Variants in KLK5 observed in about 807,000 individuals in gnomAD.
KLK5 encodes the protein kallikrein-5.
Under a neutral mutation model 24.0 loss-of-function variants are expected in KLK5, and 18 were observed. The ratio of observed to expected loss-of-function variants is 0.75; its 90% CI spans 0.52 to 1.11. KLK5 has a LOEUF of 1.11. Ranked by LOEUF, KLK5 falls within the 50% of genes most tolerant of loss-of-function variation. KLK5 has a pLI of 0.00. For synonymous variants in KLK5, 140 were observed against 154.0 expected (o/e 0.91, Z 0.67); for missense variants, 374 against 379.2 (o/e 0.99, Z 0.11).
intron 3 of KLK5, 29 bp from the exon 4 acceptor site, chr19:50,949,144 A>T (rs2090662140): frequency 5.0e-6 from 8 of 1,601,010 alleles, no homozygotes; most frequent in Non-Finnish European, 8.5e-7. Context: ...GTCACCACCA[A>T]CCCTGATCTC....
In KLK5 at chr19:50,947,790, C is replaced by T. The variant is rs10415306; in HGVS notation, c.726+850G>A. On this transcript the variant is annotated intron_variant, in intron 5 of 5. Transcript: ENST00000336334. The surrounding 1 kb of genome is among the most constrained non-coding windows in gnomAD (Gnocchi z 8.7). ...ACTGCCAAAACTGACATCTGTAACA[C>T]GGAGTGCCCCTATTAGATATGGTAT... 0.38 allele frequency among the ~76,000 whole-genome samples: 58,204 copies of T among 152,086 alleles called. 11,925 individuals are homozygous for T. Among genetic ancestry groups the T allele is most frequent in the Non-Finnish European group, 0.46 (31,226 of 67,980 alleles).
At chr19:50,951,161 C>A (rs1377196207) in intron 2 of KLK5, among the ~76,000 whole-genome samples, 2 of 152,082 alleles carry the variant, frequency 1.3e-5, no homozygotes, top group Non-Finnish European at 2.9e-5. Flanking sequence ...TGAAAACATG[C>A]CTTCTCAATC....
intron 5 of KLK5, among the ~76,000 whole-genome samples, chr19:50,944,867 C>T (rs891411607): frequency 6.6e-6 from 1 of 152,176 alleles, no homozygotes; most frequent in African/African-American, 2.4e-5. Context: ...CTTCAATTCC[C>T]CATACCTCCC....
In KLK5 at chr19:50,952,587, G is replaced by C; in HGVS notation, c.71C>G (p.Thr24Arg). ...TCCCACCCCAGAGTTCTGGTTACCT[G>C]TGACCCCCAGAAGCAAGGCTGTGAT... ...ALITALLLGV[T>R]EHVLANNDVS... The change falls in exon 2 of 6, where the codon ACA becomes AGA. Residue 24 changes from threonine (T) to arginine (R), a missense_variant and splice_region_variant. Thr to Arg is a moderately conservative substitution (Grantham distance 71). Coordinates refer to ENST00000336334, the MANE Select transcript of KLK5 (RefSeq NM_012427.5). 6.2e-7 allele frequency: 1 copy of C among 1,604,694 alleles called. No individual in the cohort carries two copies. The highest frequency in any genetic ancestry group is 2.3e-5 in the East Asian group (1 of 43,760).
chr19:50,952,877 A>G lies in KLK5; in HGVS notation c.-142T>C. On this transcript the variant is annotated 5_prime_UTR_variant, in exon 1 of 6. Coordinates refer to ENST00000336334, the MANE Select transcript of KLK5 (RefSeq NM_012427.5). The stretch of plus-strand genomic sequence containing the variant: ...GACAGGGCAAGGAGGGGACAGAGAA[A>G]GATGTGGGTGCAGGACGCACAGACA... 1 of 418,774 alleles carries G rather than the reference A, an allele frequency of 2.4e-6. No individual in the cohort carries two copies. Among genetic ancestry groups the G allele is most frequent in the Non-Finnish European group, 4.2e-6 (1 of 236,790 alleles). The allele number at this position is 418,774 out of a possible 1,614,324, so 25.9% of individuals were successfully genotyped here.
intron 5 of KLK5, among the ~76,000 whole-genome samples, chr19:50,945,496 A>C (rs1036416227): frequency 6.6e-6 from 1 of 151,788 alleles, no homozygotes; most frequent in African/African-American, 2.4e-5. Context: ...AGGTAGAGAG[A>C]AATGTCTATC....
At chr19:50,946,476 T>C (rs533593764) in intron 5 of KLK5, among the ~76,000 whole-genome samples, 1 of 152,262 alleles carries the variant, frequency 6.6e-6, no homozygotes, top group African/African-American at 2.4e-5. Flanking sequence ...CCTTGAGGTC[T>C]GGAAAAACAA....
Position 50,943,532 on chromosome 19 carries a change from C to T in KLK5, c.*99G>A. ...TGGGGTCAGGGGCTGGAGAGATGAA[C>T]ATTCTCAACATCTCTGGGAAGGAAT... On this transcript the variant is annotated 3_prime_UTR_variant, in exon 6 of 6. Coordinates refer to ENST00000336334, the MANE Select transcript of KLK5 (RefSeq NM_012427.5). 8.6e-7 allele frequency: 1 copy of T among 1,159,250 alleles called. No individual in the cohort carries two copies. The highest frequency in any genetic ancestry group is 1.3e-6 in the Non-Finnish European group (1 of 791,062). The allele number at this position is 1,159,250 out of a possible 1,614,324, so 71.8% of individuals were successfully genotyped here.
rs1000535694 is a variant in KLK5 at position 50,949,037 on chromosome 19, T to C, written c.414A>G (p.Lys138=). ...ESGQQMFQGV[K]SIPHPGYSHP... ...GGGAGTAGCCAGGGTGGGGGATGGA[T>C]TTGACCCCCTGGAACATCTGCTGCC... Residue 138 remains lysine (K), a synonymous_variant, in exon 4 of 6, where the codon AAA becomes AAG. Coordinates refer to ENST00000336334, the MANE Select transcript of KLK5 (RefSeq NM_012427.5). 2 of 1,613,778 alleles carry C rather than the reference T, an allele frequency of 1.2e-6. No homozygotes were observed. Among genetic ancestry groups the C allele is most frequent in the Admixed American group, 1.7e-5 (1 of 59,982 alleles).
chr19:50,952,294 CA>C lies in KLK5; in HGVS notation c.73+290del, dbSNP rs1206548821. ...ACCCACACAGCTGTGGAGCCACACA[CA>C]ATCTTAAATGCACACACAATCACAA... On this transcript the variant is annotated intron_variant, in intron 2 of 5. Transcript: ENST00000336334. Among the ~76,000 whole-genome samples, 15 of 150,366 alleles carry C rather than the reference CA, an allele frequency of 1.0e-4. No individual in the cohort carries two copies. In the South Asian group the frequency reaches 3.2e-3, roughly 32 times the overall value.
In KLK5 at chr19:50,948,673, G is replaced by A. The variant is rs370518587; in HGVS notation, c.693C>T (p.Cys231=). ...YPRQIDDTMF[C]AGDKAGRDSC... is the part of the protein sequence containing the mutation. ...AGTCTCTACCTGCTTTGTCACCGGC[G>A]CAGAACATGGTGTCATCTATCTGTC... The change falls in exon 5 of 6, where the codon TGC becomes TGT. Residue 231 remains cysteine, a synonymous_variant. Transcript: ENST00000336334. The A allele has an allele frequency of 7.8e-5, 126 of 1,614,126 alleles. No homozygotes were observed. In the South Asian group the frequency reaches 8.6e-4, roughly 11 times the overall value.
At position 50,948,894 on chromosome 19, in the gene KLK5, A is replaced by G. The variant is rs920460036; in HGVS notation, c.557T>C (p.Leu186Ser). 6.2e-7 allele frequency: 1 copy of G among 1,613,962 alleles called. No homozygotes were observed. Among genetic ancestry groups the G allele is most frequent in the African/African-American group, 1.3e-5 (1 of 74,878 alleles). Residue 186 changes from leucine (L) to serine (S), a missense_variant, in exon 4 of 6, where the codon TTG (leucine) becomes TCG (serine). Transcript: ENST00000336334. ...CTTGGTTGTCCCCCAGCCAGACACC[A>G]AGCACTTTGTCCCAGCAGAGGGACA... The part of the protein sequence containing the change: ...SHCPSAGTKC[L>S]VSGWGTTKSP...
intron 2 of KLK5, among the ~76,000 whole-genome samples, chr19:50,952,173 A>G (rs1312205638): frequency 6.6e-6 from 1 of 151,936 alleles, no homozygotes; most frequent in African/African-American, 2.4e-5. Flanking sequence ...CCGGGACCTC[A>G]GGGACAGGAA....
intron 5 of KLK5, among the ~76,000 whole-genome samples, chr19:50,946,591 A>G (rs1037013790): frequency 6.0e-5 from 9 of 151,014 alleles, no homozygotes; most frequent in African/African-American, 9.7e-5. Context: ...ACGGAGTCTC[A>G]CTGTGTTGCC....
rs1257843303 is a variant in KLK5, at chr19:50,949,755, C to T, written c.335+100G>A. ...ACACCCCCAACCCCACTTCCCCGTC[C>T]CCACCAGCCCTCACCTCCATGACAC... On this transcript the variant is annotated intron_variant, in intron 3 of 5. Coordinates refer to ENST00000336334, the MANE Select transcript of KLK5 (RefSeq NM_012427.5). 3 of 800,368 alleles carry T rather than the reference C, an allele frequency of 3.7e-6. 1 individual carries two copies. Among genetic ancestry groups the T allele is most frequent in the Non-Finnish European group, 5.3e-6 (3 of 562,798 alleles). 49.6% of individuals were successfully genotyped at this position (800,368 alleles called of 1,614,324 possible). A position where few individuals can be genotyped will look rare whatever the true frequency, so the allele number is the denominator to read the frequency against.
chr19:50,948,679 C>G lies in KLK5; in HGVS notation c.687G>C (p.Met229Ile), dbSNP rs760781945. The stretch of plus-strand genomic sequence containing the variant: ...TACCTGCTTTGTCACCGGCGCAGAA[C>G]ATGGTGTCATCTATCTGTCTCGGGT... ...DAYPRQIDDT[M>I]FCAGDKAGRD... Residue 229 changes from methionine to isoleucine, a missense_variant, in exon 5 of 6, where the codon ATG becomes ATC. Physicochemically the swap from Met to Ile is conservative, Grantham distance 10 (BLOSUM62 1). Transcript: ENST00000336334. 6.2e-7 allele frequency: 1 copy of G among 1,614,154 alleles called. No individual in the cohort carries two copies. Among genetic ancestry groups the G allele is most frequent in the East Asian group, 2.2e-5 (1 of 44,882 alleles).
chr19:50,946,564 C>G (rs1304531181), intron 5 of KLK5, among the ~76,000 whole-genome samples: 1 of 124,432 alleles, frequency 8.0e-6, no homozygotes, highest in Non-Finnish European at 1.6e-5. Context: ...CTTTTCTTTT[C>G]TTTTTTTTTT....
Position 50,949,941 on chromosome 19 carries a change from C to A in KLK5, c.249G>T (p.Ala83=), listed in dbSNP as rs774131295. Reference sequence around the variant, plus strand: ...AGAGCTGGTTGGGCCTTAGCAACAGCGCGGCCTGCCACGGCTGGGTGTGCA... The same window carrying A: ...AGAGCTGGTTGGGCCTTAGCAACAGAGCGGCCTGCCACGGCTGGGTGTGCA... ...CDMHTQPWQA[A]LLLRPNQLYC... is the part of the protein sequence containing the mutation. The change falls in exon 3 of 6, where the codon GCG becomes GCT. Residue 83 remains alanine, a synonymous_variant. Transcript: ENST00000336334. The A allele has an allele frequency of 3.1e-6, 5 of 1,613,590 alleles. No individual in the cohort carries two copies. In the African/African-American group the frequency reaches 6.7e-5, roughly 22 times the overall value.
At chr19:50,949,485 C>T (rs1298836951) in intron 3 of KLK5, among the ~76,000 whole-genome samples, 1 of 151,566 alleles carries the variant, frequency 6.6e-6, no homozygotes, top group African/African-American at 2.4e-5. Context: ...TTTTCACCCA[C>T]CCCCAATTCT....
Sources: gnomAD v4.1 joint callset for allele counts (sites outside exome capture counted in the v4.1 genomes callset) on GRCh38, gnomAD v4.1.1 for gene constraint, Gnocchi (gnomAD v3.1) non-coding constraint, MANE v1.5 for transcripts, NCBI Gene and HGNC (gene_info 2026-07-23, HGNC 2026-07-21) for gene names.